Variants in HMCN2 observed in about 807,000 individuals in gnomAD.
HMCN2 encodes the protein hemicentin-2.
A neutral mutation model predicts 377.5 loss-of-function variants in HMCN2; 325 were observed. The ratio of observed to expected loss-of-function variants is 0.86; its 90% CI spans 0.79 to 0.94. The LOEUF is 0.94. Among genes scored for constraint, HMCN2 ranks in the 40% least tolerant of loss-of-function variants. HMCN2 has a pLI of 0.00. For missense variants in HMCN2, 4,543 were observed against 4,725.3 expected, an observed-to-expected ratio of 0.96 and a Z score of 1.13; for synonymous variants, 2,007 against 2,046.8, an observed-to-expected ratio of 0.98 and a Z score of 0.53.
At chr9:130,426,669 G>A (rs776091277) in intron 90 of HMCN2, among the ~76,000 whole-genome samples, 18 of 152,142 alleles carry the variant, frequency 1.2e-4, no homozygotes, top group Non-Finnish European at 2.6e-4. Flanking sequence ...TCCAACCCAT[G>A]GCCCACAGGC....
Position 130,431,404 on chromosome 9 carries a change from C to T in HMCN2, c.14685C>T (p.His4895=), listed in dbSNP as rs35509713. Residue 4895 remains histidine, a synonymous_variant, in exon 96 of 98, where the codon CAC becomes CAT. Transcript: ENST00000683500. The part of the protein sequence containing the change: ...DECRVRNLCQ[H]ACRNTEGSYQ... ...GCCGCGTGAGGAACCTGTGTCAGCA[C>T]GCCTGCCGCAACACTGAGGGCAGCT... 0.026 allele frequency: 40,436 copies of T among 1,550,008 alleles called. 638 individuals carry two copies. Among genetic ancestry groups the T allele is most frequent in the South Asian group, 0.04 (3,333 of 84,042 alleles).
intron 86 of HMCN2, among the ~76,000 whole-genome samples, chr9:130,419,848 C>T (rs1162095079): frequency 3.3e-5 from 5 of 152,170 alleles, no homozygotes; most frequent in Non-Finnish European, 7.4e-5. Context: ...GGACTTGACA[C>T]TTGGCCACCT....
chr9:130,353,272 C>A, intron 31 of HMCN2, 67 bp downstream of exon 31: 1 of 1,258,168 alleles, frequency 7.9e-7, no homozygotes, highest in South Asian at 1.3e-5. Context: ...GTGGCCCCTG[C>A]CTGTCTCCAA....
chr9:130,391,523 GC>G lies in HMCN2; in HGVS notation c.9904del (p.His3302ThrfsTer13). On this transcript the variant is annotated frameshift_variant, in exon 65 of 98. Transcript: ENST00000683500. LOFTEE classifies it high-confidence loss of function. The stretch of plus-strand genomic sequence containing the variant: ...GGACGCGGGTGCCTACACCTGCGTG[GC>G]CCACAACCCAGCCGGGGAGGACGCC... ...ASDAGAYTCV[A>X]HNPAGEDARL... is the part of the protein sequence containing the mutation. 1.0e-6 allele frequency: 1 copy of G among 987,814 alleles called. No individual in the cohort carries two copies. 61.2% of individuals were successfully genotyped at this position (987,814 alleles called of 1,614,324 possible).
intron 74 of HMCN2, among the ~76,000 whole-genome samples, chr9:130,398,162 A>AAAAG (rs1842700024): frequency 1.3e-5 from 2 of 148,730 alleles, no homozygotes; most frequent in African/African-American, 5.0e-5. Flanking sequence ...ACAAAAAAAA[A>AAAAG]AAAAAAAAAA....
chr9:130,410,664 C>T lies in HMCN2; in HGVS notation c.12961+12C>T, dbSNP rs923447291. The T allele has an allele frequency of 4.5e-6, 7 of 1,550,072 alleles. No homozygotes were observed. The Middle Eastern group carries it at 6.7e-4, about 147-fold the overall frequency. On this transcript the variant is annotated intron_variant, in intron 85 of 97. Transcript: ENST00000683500. ...CCTCGTCCTGCAGAGTGAGTCTCGG[C>T]CTCAGCAGAGTGGGGACGTGGGAAG...
At chr9:130,295,066 AG>A (rs1836043860) in intron 5 of HMCN2, 40 bp downstream of exon 5, 1 of 405,868 alleles carries the variant, frequency 2.5e-6, no homozygotes, top group South Asian at 1.9e-5. Flanking sequence ...TTTGGCCCCA[AG>A]ACTGAGGTGG....
chr9:130,421,176 C>T (rs992986681), intron 86 of HMCN2, among the ~76,000 whole-genome samples: 2 of 152,318 alleles, frequency 1.3e-5, no homozygotes, highest in African/African-American at 2.4e-5. Flanking sequence ...AATTATGATA[C>T]ACATCGGTCC....
chr9:130,402,849 G>A lies in HMCN2; in HGVS notation c.11831G>A (p.Arg3944His), dbSNP rs998846318. The A allele has an allele frequency of 2.6e-5, 33 of 1,289,742 alleles. 1 individual carries two copies. Among genetic ancestry groups the A allele is most frequent in the East Asian group, 2.2e-4 (4 of 18,016 alleles). 79.9% of individuals were successfully genotyped at this position (1,289,742 alleles called of 1,614,324 possible). A position where few individuals can be genotyped will look rare whatever the true frequency, so the allele number is the denominator to read the frequency against. Reference sequence around the variant, plus strand: ...GCAGGCCGCTACACCTGCTCAGCCCGCAACTCTGCCGGCGTAGCCCACAAG... The same window carrying A: ...GCAGGCCGCTACACCTGCTCAGCCCACAACTCTGCCGGCGTAGCCCACAAG... The part of the protein sequence containing the change: ...IHAGRYTCSA[R>H]NSAGVAHKHV... The change falls in exon 78 of 98, where the codon CGC (arginine) becomes CAC (histidine). Residue 3944 changes from arginine to histidine, a missense_variant. Physicochemically the swap from Arg to His is conservative, Grantham distance 29 (BLOSUM62 0). Transcript: ENST00000683500.
chr9:130,288,481 C>T (rs192308636), intron 4 of HMCN2, among the ~76,000 whole-genome samples: 19 of 152,356 alleles, frequency 1.2e-4, no homozygotes, highest in Non-Finnish European at 2.5e-4. Context: ...GGTGGCTGGA[C>T]AGCCAGGGCT....
At chr9:130,424,477 C>T (rs1279627294) in intron 87 of HMCN2, among the ~76,000 whole-genome samples, 5 of 152,072 alleles carry the variant, frequency 3.3e-5, no homozygotes, top group South Asian at 2.1e-4. Flanking sequence ...TGAGCCACCG[C>T]GCCCGGCCTG....
rs772835461 is a variant in HMCN2, at chr9:130,408,943, G to A, written c.12879+10G>A. The A allele has an allele frequency of 7.8e-7, 1 of 1,285,960 alleles. No homozygotes were observed. The highest frequency in any genetic ancestry group is 1.0e-6 in the Non-Finnish European group (1 of 986,824). The allele number at this position is 1,285,960 out of a possible 1,614,324, so 79.7% of individuals were successfully genotyped here. A position where few individuals can be genotyped will look rare whatever the true frequency, so the allele number is the denominator to read the frequency against. On this transcript the variant is annotated intron_variant, in intron 84 of 97. Coordinates refer to ENST00000683500, the MANE Select transcript of HMCN2 (RefSeq NM_001291815.2). Reference sequence around the variant, plus strand: ...CATCCGCAGGACTGAGGCAAGGCGGGGCCTGGCACCTTGGGTGGGGCCACT... The same window carrying A: ...CATCCGCAGGACTGAGGCAAGGCGGAGCCTGGCACCTTGGGTGGGGCCACT...
At chr9:130,324,959 A>G (rs1052389127) in intron 19 of HMCN2, among the ~76,000 whole-genome samples, 2 of 148,098 alleles carry the variant, frequency 1.4e-5, no homozygotes, top group Non-Finnish European at 3.0e-5. Flanking sequence ...GGACAAATGC[A>G]GTGACCCATC....
chr9:130,282,524 G>A (rs886633657), intron 1 of HMCN2, among the ~76,000 whole-genome samples: 1 of 152,186 alleles, frequency 6.6e-6, no homozygotes, highest in Non-Finnish European at 1.5e-5. Flanking sequence ...TCAGAGGAAA[G>A]GACGTGGTGG....
At chr9:130,301,788 A>G (rs1237961201) in intron 8 of HMCN2, among the ~76,000 whole-genome samples, 1 of 152,096 alleles carries the variant, frequency 6.6e-6, no homozygotes, top group African/African-American at 2.4e-5. Context: ...GGATGGGGAG[A>G]CGGTGACACA....
intron 23 of HMCN2, among the ~76,000 whole-genome samples, chr9:130,340,874 A>G (rs1839010360): frequency 1.3e-5 from 2 of 152,160 alleles, no homozygotes; most frequent in Admixed American, 1.3e-4. Flanking sequence ...AGGGATATAC[A>G]AGCTCAGCCC....
chr9:130,344,471 G>T (rs1229299880), intron 25 of HMCN2, among the ~76,000 whole-genome samples: 1 of 151,516 alleles, frequency 6.6e-6, no homozygotes, highest in Non-Finnish European at 1.5e-5. Context: ...TATGTTGTGT[G>T]TGTGGTGTGC....
chr9:130,290,407 C>T (rs757905207), intron 4 of HMCN2, among the ~76,000 whole-genome samples: 12 of 152,232 alleles, frequency 7.9e-5, no homozygotes, highest in South Asian at 2.1e-4. Flanking sequence ...ATCAGAACAT[C>T]CTAGAACAAG....
rs1450737933 is a variant in HMCN2 at position 130,355,058 on chromosome 9, A to G, written c.5146+14A>G. 7.9e-7 allele frequency: 1 copy of G among 1,259,264 alleles called. No homozygotes were observed. Among genetic ancestry groups the G allele is most frequent in the Non-Finnish European group, 1.0e-6 (1 of 969,888 alleles). 78.0% of individuals were successfully genotyped at this position (1,259,264 alleles called of 1,614,324 possible). On this transcript the variant is annotated intron_variant, in intron 32 of 97. Transcript: ENST00000683500. ...TGGAGGTTCAGGGTGAGCCCGGCCC[A>G]CCCCACTCAGAGCTGCCTGGGCTGT...
Sources: gnomAD v4.1 joint callset for allele counts (sites outside exome capture counted in the v4.1 genomes callset) on GRCh38, gnomAD v4.1.1 for gene constraint, MANE v1.5 for transcripts, NCBI Gene and HGNC (gene_info 2026-07-23, HGNC 2026-07-21) for gene names.